SYT10: variants seen among roughly 807,000 people sequenced by gnomAD.
SYT10 encodes the protein synaptotagmin-10.
A neutral mutation model predicts 51.1 loss-of-function variants in SYT10; 31 were observed. The ratio of observed to expected loss-of-function variants is 0.61; its 90% CI spans 0.46 to 0.82. The LOEUF (loss-of-function observed/expected upper bound fraction) is 0.82. Among genes scored for constraint, SYT10 ranks in the 40% least tolerant of loss-of-function variants. The pLI is 0.00. For synonymous variants in SYT10, 233 were observed against 225.9 expected (o/e 1.03, Z -0.28); for missense variants, 603 against 634.0 (o/e 0.95, Z 0.53).
At chr12:33,430,177 C>T (rs568505245) in intron 1 of SYT10, among the ~76,000 whole-genome samples, 50 of 152,270 alleles carry the variant, frequency 3.3e-4, no homozygotes, top group African/African-American at 1.0e-3. Context: ...CATTATTCTG[C>T]CACTGTCTAT....
intron 2 of SYT10, among the ~76,000 whole-genome samples, chr12:33,425,888 C>T (rs182425742): frequency 6.6e-6 from 1 of 151,982 alleles, no homozygotes; most frequent in Non-Finnish European, 1.5e-5. Context: ...TCTGCTAAGC[C>T]CCTTTCATGG....
At chr12:33,384,211 T>C (rs1157364201) in intron 4 of SYT10, among the ~76,000 whole-genome samples, 3 of 152,146 alleles carry the variant, frequency 2.0e-5, no homozygotes, top group African/African-American at 7.2e-5. Flanking sequence ...GCAATATGAA[T>C]ACATATTCCA....
At chr12:33,408,823 A>C (rs914588350) in intron 2 of SYT10, among the ~76,000 whole-genome samples, 2 of 152,112 alleles carry the variant, frequency 1.3e-5, no homozygotes, top group African/African-American at 4.8e-5. Flanking sequence ...AATAGCACTA[A>C]TATTTTTTAT....
chr12:33,425,382 C>T (rs1232038395), intron 2 of SYT10, among the ~76,000 whole-genome samples: 1 of 152,036 alleles, frequency 6.6e-6, no homozygotes, highest in Non-Finnish European at 1.5e-5. Flanking sequence ...AAAAATGCCT[C>T]TTTATAGGAA....
chr12:33,437,067 T>C (rs184834018), intron 1 of SYT10, among the ~76,000 whole-genome samples: 19 of 152,266 alleles, frequency 1.2e-4, no homozygotes, highest in Admixed American at 1.2e-3. Context: ...GCAAACAATC[T>C]TTAAATCCAC....
intron 1 of SYT10, among the ~76,000 whole-genome samples, chr12:33,430,819 A>G (rs1388891822): frequency 6.6e-6 from 1 of 152,018 alleles, no homozygotes; most frequent in East Asian, 1.9e-4. Flanking sequence ...CAAATCAGCA[A>G]CTCTTAGTCA....
At chr12:33,438,510 C>G (rs568002964) in intron 1 of SYT10, among the ~76,000 whole-genome samples, 1 of 152,260 alleles carries the variant, frequency 6.6e-6, no homozygotes, top group East Asian at 1.9e-4. Flanking sequence ...GGATTCGATC[C>G]TTTCCACCCC....
At position 33,382,045 on chromosome 12, in the gene SYT10, G is replaced by A. The variant is rs114752339; in HGVS notation, c.1370+304C>T. Among the ~76,000 whole-genome samples the A allele has an allele frequency of 6.8e-3, 1,032 of 152,188 alleles. 16 individuals are homozygous for A. The highest frequency in any genetic ancestry group is 0.023 in the African/African-American group (975 of 41,536). ...CAGCCTAGTTGGTAAAACAAATTCT[G>A]TTGATTGTAATCTCTGTTGTTACTA... On this transcript the variant is annotated intron_variant, in intron 5 of 6. Coordinates refer to ENST00000228567, the MANE Select transcript of SYT10 (RefSeq NM_198992.4).
chr12:33,407,859 C>T (rs12318039), intron 2 of SYT10: 15,072 of 152,498 alleles, frequency 0.099, 856 homozygotes, highest in Admixed American at 0.16. Flanking sequence ...ATCCTCTCAC[C>T]TCAGTCTCCC....
At chr12:33,381,429 T>C (rs1267998441) in intron 5 of SYT10, among the ~76,000 whole-genome samples, 2 of 152,182 alleles carry the variant, frequency 1.3e-5, no homozygotes, top group Non-Finnish European at 2.9e-5. Flanking sequence ...GTACTGTTTA[T>C]GTGTTGATAA....
At chr12:33,439,015 G>A (rs961642880) in intron 1 of SYT10, among the ~76,000 whole-genome samples, 1 of 152,236 alleles carries the variant, frequency 6.6e-6, no homozygotes, top group African/African-American at 2.4e-5. Flanking sequence ...CAGCCAAGCC[G>A]CGAGCCGTCC....
intron 3 of SYT10, among the ~76,000 whole-genome samples, chr12:33,391,760 T>A (rs1322928020): frequency 6.6e-6 from 1 of 152,188 alleles, no homozygotes; most frequent in African/African-American, 2.4e-5. Context: ...ACTTTTCTTT[T>A]TTGCTCAAAA....
chr12:33,391,456 G>A (rs1360575746), intron 3 of SYT10, among the ~76,000 whole-genome samples: 1 of 152,070 alleles, frequency 6.6e-6, no homozygotes, highest in African/African-American at 2.4e-5. Context: ...TGTGAGGGGA[G>A]GCTTAGAGTG....
intron 1 of SYT10, among the ~76,000 whole-genome samples, chr12:33,437,598 A>C (rs1866648263): frequency 6.6e-6 from 1 of 152,216 alleles, no homozygotes; most frequent in Non-Finnish European, 1.5e-5. Flanking sequence ...AAAGGGCAGG[A>C]AAGAGGAAAA....
In SYT10 at chr12:33,439,748, C is replaced by A. The variant is rs1866670163; in HGVS notation, c.-226G>T. The A allele has an allele frequency of 7.5e-6, 4 of 530,538 alleles. No homozygotes were observed. Among genetic ancestry groups the A allele is most frequent in the Admixed American group, 3.7e-5 (1 of 26,888 alleles). 32.9% of individuals were successfully genotyped at this position (530,538 alleles called of 1,614,324 possible). On this transcript the variant is annotated 5_prime_UTR_variant, in exon 1 of 7. Coordinates refer to ENST00000228567, the MANE Select transcript of SYT10 (RefSeq NM_198992.4). ...GCGCGCGAGGAGGCTGCGGCTGCCG[C>A]GAGGTTTGCGCCAACTCTCCCGCCG...
At chr12:33,434,922 A>G (rs1428571619) in intron 1 of SYT10, among the ~76,000 whole-genome samples, 6 of 152,258 alleles carry the variant, frequency 3.9e-5, no homozygotes, top group African/African-American at 1.2e-4. Context: ...CTGACATGCT[A>G]TTGACTTAAT....
At chr12:33,414,530 C>G (rs1866436912) in intron 2 of SYT10, among the ~76,000 whole-genome samples, 1 of 152,154 alleles carries the variant, frequency 6.6e-6, no homozygotes, top group African/African-American at 2.4e-5. Context: ...GAAACTCACT[C>G]AAAAGCACTC....
chr12:33,421,618 A>T (rs1565498308), intron 2 of SYT10, among the ~76,000 whole-genome samples: 1 of 152,246 alleles, frequency 6.6e-6, no homozygotes, highest in East Asian at 1.9e-4. Context: ...AAAGCATTCA[A>T]TTGACACTTA....
Position 33,382,358 on chromosome 12 carries a change from TC to T in SYT10, c.1360del (p.Asp454IlefsTer5), listed in dbSNP as rs767149418. On this transcript the variant is annotated frameshift_variant, in exon 5 of 7. Transcript: ENST00000228567. LOFTEE classifies it high-confidence loss of function. ...DQVSLSIAVM[D>X]YDRVGHNEVI... ...AGAGAGATACACATACCTATCGTAA[TC>T]CATGACCGCAATGGAGAGGCTGACC... 5 of 1,604,834 alleles carry T rather than the reference TC, an allele frequency of 3.1e-6. No individual in the cohort carries two copies. The South Asian group carries it at 5.6e-5, about 18-fold the overall frequency.
Sources: gnomAD v4.1 joint callset for allele counts (sites outside exome capture counted in the v4.1 genomes callset) on GRCh38, gnomAD v4.1.1 for gene constraint, MANE v1.5 for transcripts, NCBI Gene and HGNC (gene_info 2026-07-23, HGNC 2026-07-21) for gene names.